The following MYDGF variants were observed in gnomAD, a reference collection of about 807,000 sequenced individuals.
MYDGF encodes the protein myeloid derived growth factor, also known as myeloid-derived growth factor.
Under a neutral mutation model 24.2 loss-of-function variants are expected in MYDGF, and 29 were observed. The ratio of observed to expected loss-of-function variants is 1.20; its 90% CI spans 0.89 to 1.63. The LOEUF is 1.63. MYDGF is among the 40% of genes most tolerant of loss of function. MYDGF has a pLI of 0.00. For synonymous variants in MYDGF, 105 were observed against 102.5 expected (o/e 1.02, Z -0.15); for missense variants, 245 against 234.8 (o/e 1.04, Z -0.29).
At chr19:4,670,054 C>G in intron 1 of MYDGF, 107 bp downstream of exon 1, 1 of 1,243,846 alleles carries the variant, frequency 8.0e-7, no homozygotes. Flanking sequence ...TTCTTCAGTA[C>G]CCACCTCCGC....
rs544366194 is a variant in MYDGF at position 4,657,749 on chromosome 19, G to C, written c.*256C>G. The C allele has an allele frequency of 2.4e-5, 8 of 333,790 alleles. No homozygotes were observed. The South Asian group carries it at 6.7e-4, about 28-fold the overall frequency. 20.7% of individuals were successfully genotyped at this position (333,790 alleles called of 1,614,324 possible). On this transcript the variant is annotated 3_prime_UTR_variant, in exon 6 of 6. Transcript: ENST00000262947. Reference sequence around the variant, plus strand: ...CACCCTCTTTGTGCCCCGGATCTGCGATCCTGAGTCCAGAAGAGCTCAGCA... The same window carrying C: ...CACCCTCTTTGTGCCCCGGATCTGCCATCCTGAGTCCAGAAGAGCTCAGCA...
intron 1 of MYDGF, among the ~76,000 whole-genome samples, chr19:4,668,865 T>TC (rs919855835): frequency 2.0e-5 from 3 of 151,598 alleles, no homozygotes; most frequent in African/African-American, 7.3e-5. Context: ...TTTTTTTTTT[T>TC]TGAAGCAGAG....
intron 3 of MYDGF, among the ~76,000 whole-genome samples, chr19:4,663,885 C>G (rs1157045606): frequency 6.7e-6 from 1 of 149,248 alleles, no homozygotes; most frequent in Non-Finnish European, 1.5e-5. Context: ...CCGACTCCAT[C>G]CTGGTTGGTG....
rs761556405 is a variant in MYDGF, at chr19:4,658,086, T to C, written c.443-2A>G. 1.7e-5 allele frequency: 27 copies of C among 1,608,644 alleles called. No homozygotes were observed. The Admixed American group carries it at 3.2e-4, about 19-fold the overall frequency. Reference sequence around the variant, plus strand: ...TGAATGCCCCGGGCCTGTGAGCCACTGCAAGAAAGAAACACATGGTTGGGC... The same window carrying C: ...TGAATGCCCCGGGCCTGTGAGCCACCGCAAGAAAGAAACACATGGTTGGGC... On this transcript the variant is annotated splice_acceptor_variant, in intron 5 of 5. Transcript: ENST00000262947. LOFTEE classifies it high-confidence loss of function.
At chr19:4,667,762 A>G (rs574949222) in intron 2 of MYDGF, among the ~76,000 whole-genome samples, 74 of 151,926 alleles carry the variant, frequency 4.9e-4, no homozygotes, top group African/African-American at 1.8e-3. Context: ...CAGTAGCACA[A>G]TCACGGCTCA....
Position 4,670,169 on chromosome 19 carries a change from C to G in MYDGF, c.166G>C (p.Gly56Arg). ...ACGGCGGTGGCACGTACCCCCGGGC[C>G]CACGTTATGGGAGAAGGAATGCACG... is the stretch of plus-strand genomic sequence containing the variant. The part of the protein sequence containing the change: ...GVVHSFSHNV[G>R]PGDKYTCMFT... The change falls in exon 1 of 6, where the codon GGC becomes CGC. Residue 56 changes from glycine to arginine, a missense_variant. Transcript: ENST00000262947. 1 of 1,536,964 alleles carries G rather than the reference C, an allele frequency of 6.5e-7. No homozygotes were observed. Among genetic ancestry groups the G allele is most frequent in the Non-Finnish European group, 8.8e-7 (1 of 1,142,132 alleles).
intron 2 of MYDGF, 107 bp downstream of exon 2, chr19:4,668,488 G>A (rs2088537134): frequency 1.1e-6 from 1 of 898,384 alleles, no homozygotes; most frequent in African/African-American, 1.7e-5. Context: ...CATTCAATGA[G>A]TGTAAGGTGA....
chr19:4,662,583 G>A lies in MYDGF; in HGVS notation c.288-1833C>T, dbSNP rs554209465. Among the ~76,000 whole-genome samples, 125 of 152,242 alleles carry A rather than the reference G, an allele frequency of 8.2e-4. 3 individuals are homozygous for A. The highest frequency in any genetic ancestry group is 6.8e-3 in the Middle Eastern group (2 of 294). On this transcript the variant is annotated intron_variant, in intron 3 of 5. Transcript: ENST00000262947. ...GATGGCGGCAGGGGCAGAATCGGGC[G>A]GTGTCTGGGGAGACTTGGGGAGGGG...
At chr19:4,663,241 C>T (rs1568286839) in intron 3 of MYDGF, among the ~76,000 whole-genome samples, 1 of 135,998 alleles carries the variant, frequency 7.4e-6, no homozygotes, top group Non-Finnish European at 1.6e-5. Flanking sequence ...AATCTACCCT[C>T]CCCACCCACC....
chr19:4,665,881 T>G (rs66729519), intron 2 of MYDGF, among the ~76,000 whole-genome samples: 36,214 of 80,088 alleles, frequency 0.45, 7,902 homozygotes, highest in African/African-American at 0.68. Context: ...GAAAAATAAA[T>G]AAACACAAGC....
At chr19:4,660,033 G>A (rs770560939) in intron 4 of MYDGF, 30 bp from the exon 5 acceptor site, 43 of 1,588,776 alleles carry the variant, frequency 2.7e-5, no homozygotes, top group Non-Finnish European at 2.8e-5. Flanking sequence ...AACTTTACCA[G>A]GGCCAGTTCA....
At chr19:4,667,139 T>A (rs1415707951) in intron 2 of MYDGF, among the ~76,000 whole-genome samples, 1 of 144,318 alleles carries the variant, frequency 6.9e-6, no homozygotes, top group East Asian at 2.0e-4. Context: ...TTTTTTTTTT[T>A]TTTTTTTGAG....
intron 3 of MYDGF, among the ~76,000 whole-genome samples, chr19:4,663,269 C>T (rs61420496): frequency 7.9e-6 from 1 of 126,272 alleles, no homozygotes; most frequent in Non-Finnish European, 1.7e-5. Context: ...CATTCTACAG[C>T]CTCCAATCTG....
At chr19:4,659,370 C>T (rs776655184) in intron 5 of MYDGF, among the ~76,000 whole-genome samples, 41 of 152,120 alleles carry the variant, frequency 2.7e-4, no homozygotes, top group Admixed American at 2.0e-3. Flanking sequence ...ATTACAGGTG[C>T]GCACCACCAC....
At chr19:4,668,951 C>G (rs2088541845) in intron 1 of MYDGF, among the ~76,000 whole-genome samples, 1 of 151,378 alleles carries the variant, frequency 6.6e-6, no homozygotes, top group Admixed American at 6.6e-5. Context: ...TCAAACGATT[C>G]TCCTGCCTCA....
At chr19:4,668,731 G>C in intron 1 of MYDGF, 86 bp from the exon 2 acceptor site, 1 of 1,140,896 alleles carries the variant, frequency 8.8e-7, no homozygotes, top group South Asian at 1.3e-5. Flanking sequence ...ACCCAAGCTG[G>C]AGTGCAGGGG....
intron 2 of MYDGF, among the ~76,000 whole-genome samples, chr19:4,667,632 G>C (rs752668938): frequency 3.3e-5 from 5 of 152,138 alleles, no homozygotes; most frequent in Non-Finnish European, 7.4e-5. Flanking sequence ...AAGGAAACCG[G>C]GACCTTGGTC....
chr19:4,658,070 C>A lies in MYDGF; in HGVS notation c.457G>T (p.Gly153Trp). 6.2e-7 allele frequency: 1 copy of A among 1,610,814 alleles called. No individual in the cohort carries two copies. Among genetic ancestry groups the A allele is most frequent in the South Asian group, 1.1e-5 (1 of 90,326 alleles). Reference protein sequence around the residue: ...VTKTAVAHRPGAFKAELSKLV... With the variant: ...VTKTAVAHRPWAFKAELSKLV... Reference sequence around the variant, plus strand: ...TTGGACAGCTCAGCTTTGAATGCCCCGGGCCTGTGAGCCACTGCAAGAAAG... The same window carrying A: ...TTGGACAGCTCAGCTTTGAATGCCCAGGGCCTGTGAGCCACTGCAAGAAAG... Residue 153 changes from glycine (G) to tryptophan (W), a missense_variant, in exon 6 of 6, where the codon GGG becomes TGG. Transcript: ENST00000262947.
At chr19:4,659,902 AC>A in intron 5 of MYDGF, 28 bp downstream of exon 5, 1 of 1,606,188 alleles carries the variant, frequency 6.2e-7, no homozygotes, top group Non-Finnish European at 8.5e-7. Context: ...GGGTGGCGTC[AC>A]CTCTACCCCA....
Sources: gnomAD v4.1 joint callset for allele counts (sites outside exome capture counted in the v4.1 genomes callset) on GRCh38, gnomAD v4.1.1 for gene constraint, MANE v1.5 for transcripts, NCBI Gene and HGNC (gene_info 2026-07-23, HGNC 2026-07-21) for gene names.